Variants in MAGI2 observed in about 807,000 individuals in gnomAD.
MAGI2 encodes membrane-associated guanylate kinase, WW and PDZ domain-containing protein 2.
A neutral mutation model predicts 133.3 loss-of-function variants in MAGI2; 35 were observed. The observed-to-expected ratio is 0.26, with a 90% CI of 0.20 to 0.35. MAGI2 has a LOEUF of 0.35. MAGI2 is among the 10% of genes least tolerant of loss of function. The pLI is 1.00. For synonymous variants in MAGI2, 729 were observed against 710.6 expected (o/e 1.03, Z -0.41); for missense variants, 1,636 against 1,863.4 (o/e 0.88, Z 2.25).
At chr7:78,041,763 C>A (rs535485049) in intron 21 of MAGI2, among the ~76,000 whole-genome samples, 2 of 152,312 alleles carry the variant, frequency 1.3e-5, no homozygotes, top group South Asian at 4.1e-4. Flanking sequence ...TGGCCAGAAC[C>A]TACCAGACTT....
chr7:79,379,390 T>G (rs1383368807), intron 1 of MAGI2, among the ~76,000 whole-genome samples: 1 of 151,972 alleles, frequency 6.6e-6, no homozygotes, highest in Non-Finnish European at 1.5e-5. Flanking sequence ...GTTCAAAGTC[T>G]TTGCTATTGT....
intron 1 of MAGI2, among the ~76,000 whole-genome samples, chr7:79,167,344 A>G (rs1825034783): frequency 6.8e-6 from 1 of 147,976 alleles, no homozygotes. Flanking sequence ...AGCTGAAAAC[A>G]GTCACCTTTT....
chr7:78,370,424 G>T (rs1222745262), intron 6 of MAGI2, among the ~76,000 whole-genome samples: 1 of 151,854 alleles, frequency 6.6e-6, no homozygotes, highest in South Asian at 2.1e-4. Flanking sequence ...TTCTATTTTT[G>T]AATATTTGGG....
chr7:78,727,569 T>G (rs1363582881), intron 2 of MAGI2, among the ~76,000 whole-genome samples: 1 of 152,200 alleles, frequency 6.6e-6, no homozygotes, highest in Non-Finnish European at 1.5e-5. Flanking sequence ...ACAAGTGAAC[T>G]ACATTCTTAT....
intron 5 of MAGI2, 23 bp from the exon 6 acceptor site, chr7:78,489,863 T>A: frequency 6.4e-7 from 1 of 1,570,810 alleles, no homozygotes; most frequent in Non-Finnish European, 8.7e-7. Context: ...GAGATCACTC[T>A]GAACAGACAC....
chr7:78,453,545 T>C (rs997276503), intron 6 of MAGI2, among the ~76,000 whole-genome samples: 1 of 152,176 alleles, frequency 6.6e-6, no homozygotes, highest in African/African-American at 2.4e-5. Context: ...GTATGTGCCC[T>C]CAGGTGAGCT....
chr7:78,811,385 T>C (rs188242795), intron 2 of MAGI2, among the ~76,000 whole-genome samples: 2 of 152,006 alleles, frequency 1.3e-5, no homozygotes, highest in Admixed American at 6.6e-5. Context: ...AATAAACTCT[T>C]AAATTATGTG....
At chr7:78,695,008 G>A (rs7780307) in intron 2 of MAGI2, among the ~76,000 whole-genome samples, 58,487 of 151,658 alleles carry the variant, frequency 0.39, 11,617 homozygotes, top group Middle Eastern at 0.46. Flanking sequence ...GGCAGATCAC[G>A]AAGTCAGGAG....
chr7:78,362,663 T>A (rs1792947572), intron 7 of MAGI2, among the ~76,000 whole-genome samples: 1 of 152,182 alleles, frequency 6.6e-6, no homozygotes, highest in East Asian at 1.9e-4. Flanking sequence ...TAAGGTCAAA[T>A]AAGTTAATAA....
chr7:78,866,932 T>C (rs968259029), intron 2 of MAGI2, among the ~76,000 whole-genome samples: 3 of 151,850 alleles, frequency 2.0e-5, no homozygotes, highest in African/African-American at 7.3e-5. Context: ...CAAAAACACA[T>C]GAAAAAATGC....
chr7:79,169,748 A>G (rs112170521), intron 1 of MAGI2, among the ~76,000 whole-genome samples: 4,681 of 152,274 alleles, frequency 0.031, 119 homozygotes, highest in Non-Finnish European at 0.041. Flanking sequence ...ATTTTCTAAA[A>G]AGATTAAAAC....
chr7:78,085,245 C>G (rs1245363924), intron 20 of MAGI2, among the ~76,000 whole-genome samples: 1 of 152,118 alleles, frequency 6.6e-6, no homozygotes, highest in African/African-American at 2.4e-5. Flanking sequence ...AAACAGAAAA[C>G]AGGCTGGGCA....
At chr7:79,308,280 C>T (rs954166173) in intron 1 of MAGI2, among the ~76,000 whole-genome samples, 5 of 152,120 alleles carry the variant, frequency 3.3e-5, no homozygotes, top group African/African-American at 9.7e-5. Flanking sequence ...TCCCACTGCT[C>T]TTATGAAATA....
chr7:78,032,008 A>AAT, intron 21 of MAGI2, among the ~76,000 whole-genome samples: 1 of 57,348 alleles, frequency 1.7e-5, no homozygotes, highest in African/African-American at 5.8e-5. Context: ...AAGCCCCCCC[A>AAT]CTTTTTTTTT....
intron 9 of MAGI2, among the ~76,000 whole-genome samples, chr7:78,327,915 G>A (rs1788750510): frequency 3.3e-5 from 5 of 152,110 alleles, no homozygotes; most frequent in Admixed American, 2.0e-4. Flanking sequence ...AGCAAGACAT[G>A]TAGTCATAAC....
intron 3 of MAGI2, among the ~76,000 whole-genome samples, chr7:78,573,404 A>ATATATATATATATG (rs1563189772): frequency 1.2e-5 from 1 of 85,954 alleles, no homozygotes; most frequent in African/African-American, 5.1e-5. Flanking sequence ...ATATATATAT[A>ATATATATATATATG]GGCTGCCACT....
intron 1 of MAGI2, among the ~76,000 whole-genome samples, chr7:79,155,260 A>ATTTCTTATGATC (rs1554386310): frequency 6.6e-6 from 1 of 151,718 alleles, no homozygotes; most frequent in Non-Finnish European, 1.5e-5. Context: ...TGAATAATCA[A>ATTTCTTATGATC]TTTCACTTAT....
At chr7:78,555,354 A>G (rs1185806624) in intron 3 of MAGI2, among the ~76,000 whole-genome samples, 1 of 152,076 alleles carries the variant, frequency 6.6e-6, no homozygotes, top group African/African-American at 2.4e-5. Context: ...CATTCCTTTT[A>G]GTACAAACAG....
chr7:78,392,026 T>G (rs546782179), intron 6 of MAGI2, among the ~76,000 whole-genome samples: 2 of 152,196 alleles, frequency 1.3e-5, no homozygotes, highest in Non-Finnish European at 2.9e-5. Context: ...TCGGCTCAGC[T>G]GTTCGACAGA....
Sources: gnomAD v4.1 joint callset for allele counts (sites outside exome capture counted in the v4.1 genomes callset) on GRCh38, gnomAD v4.1.1 for gene constraint, MANE v1.5 for transcripts, NCBI Gene and HGNC (gene_info 2026-07-23, HGNC 2026-07-21) for gene names.